The following CHAF1A variants were observed in gnomAD, a reference collection of about 807,000 sequenced individuals.
The protein encoded by CHAF1A is chromatin assembly factor 1 subunit A.
In CHAF1A, 5 loss-of-function variants were observed where a neutral mutation model predicts 93.2. The ratio of observed to expected loss-of-function variants is 0.05; its 90% CI spans 0.03 to 0.11. CHAF1A has a LOEUF of 0.11. Ranked by LOEUF, CHAF1A falls within the 10% of genes least tolerant of loss-of-function variation. The pLI is 1.00. For missense variants in CHAF1A, 1,102 were observed against 1,259.9 expected, an observed-to-expected ratio of 0.87 and a Z score of 1.90; for synonymous variants, 504 against 510.3, an observed-to-expected ratio of 0.99 and a Z score of 0.17.
At chr19:4,447,154 T>C (rs1022432264), downstream of CHAF1A, 12 of 594,596 alleles carry the variant, frequency 2.0e-5, no homozygotes, top group Admixed American at 5.9e-5. Flanking sequence ...GCACGAAGAG[T>C]GAGGCTGAGG....
chr19:4,443,633 A>T (rs1193180215), downstream of CHAF1A, among the ~76,000 whole-genome samples: 1 of 152,146 alleles, frequency 6.6e-6, no homozygotes, highest in Non-Finnish European at 1.5e-5. Flanking sequence ...GGGGGTTAGG[A>T]GAGGGTGTTC....
rs755091463 is a variant in CHAF1A at position 4,409,214 on chromosome 19, G to A, written c.415G>A (p.Glu139Lys). ...SLVDHNKLNS[E>K]ASPSREAING... ...TGTGGACCACAATAAACTAAATTCTGAAGCCTCTCCCTCCAGGGAGGCAAT... is the reference window on the plus strand; with the variant it reads ...TGTGGACCACAATAAACTAAATTCTAAAGCCTCTCCCTCCAGGGAGGCAAT... Residue 139 changes from glutamate (E) to lysine (K), a missense_variant, in exon 3 of 15, where the codon GAA (glutamate) becomes AAA (lysine). Transcript: ENST00000301280. 6.2e-7 allele frequency: 1 copy of A among 1,614,078 alleles called. No homozygotes were observed. The highest frequency in any genetic ancestry group is 1.7e-5 in the Admixed American group (1 of 60,000).
chr19:4,439,457 G>A (rs751127407), intron 13 of CHAF1A, among the ~76,000 whole-genome samples: 6 of 152,146 alleles, frequency 3.9e-5, no homozygotes, highest in Admixed American at 2.6e-4. Flanking sequence ...GCAAGCTGCC[G>A]GCAGCTCAGC....
At chr19:4,445,449 G>A (rs758771869), downstream of CHAF1A, 2 of 1,610,710 alleles carry the variant, frequency 1.2e-6, no homozygotes, top group South Asian at 2.2e-5. Flanking sequence ...AGAGGAACAG[G>A]GAGAGCATGA....
chr19:4,430,527 C>CTTT, intron 10 of CHAF1A, 22 bp from the exon 11 acceptor site: 1 of 1,375,494 alleles, frequency 7.3e-7, no homozygotes, highest in Non-Finnish European at 1.0e-6. Context: ...CTGATGAACT[C>CTTT]TTTTTTTTTT....
downstream of CHAF1A, chr19:4,445,142 C>G: frequency 3.8e-6 from 1 of 262,326 alleles, no homozygotes; most frequent in Non-Finnish European, 7.5e-6. Context: ...CCACTGCCAC[C>G]CACGGCACAC....
At chr19:4,417,927 T>C in intron 3 of CHAF1A, 93 bp from the exon 4 acceptor site, 1 of 827,960 alleles carries the variant, frequency 1.2e-6, no homozygotes, top group Non-Finnish European at 2.0e-6. Flanking sequence ...TTTGGTTCTG[T>C]TGGTGGAAAA....
chr19:4,442,147 A>G (rs1974401978), intron 13 of CHAF1A, 98 bp from the exon 14 acceptor site: 1 of 896,406 alleles, frequency 1.1e-6, no homozygotes, highest in East Asian at 2.5e-5. Context: ...TGGGGGTGGG[A>G]GGAAGGTGTC....
chr19:4,416,026 T>C (rs1164955970), intron 3 of CHAF1A, among the ~76,000 whole-genome samples: 1 of 151,928 alleles, frequency 6.6e-6, no homozygotes, highest in Non-Finnish European at 1.5e-5. Flanking sequence ...ACAAAAAAAT[T>C]ACCCAGGCAT....
At chr19:4,445,782 G>C (rs999297813), downstream of CHAF1A, 3 of 1,246,822 alleles carry the variant, frequency 2.4e-6, no homozygotes, top group Non-Finnish European at 3.3e-6. Flanking sequence ...CTCTCCCTCC[G>C]GGACTCCAGG....
intron 13 of CHAF1A, among the ~76,000 whole-genome samples, chr19:4,440,540 T>C (rs1974367203): frequency 6.6e-6 from 1 of 151,632 alleles, no homozygotes; most frequent in Non-Finnish European, 1.5e-5. Context: ...ACCCAGGAAG[T>C]GGAATTTGCA....
Position 4,426,603 on chromosome 19 carries a change from T to C in CHAF1A, c.1378-2061T>C, listed in dbSNP as rs574417229. 3.9e-5 allele frequency among the ~76,000 whole-genome samples: 6 copies of C among 152,238 alleles called. No individual in the cohort carries two copies. In the East Asian group the frequency reaches 1.2e-3, roughly 29 times the overall value. On this transcript the variant is annotated intron_variant, in intron 7 of 14. Coordinates refer to ENST00000301280, the MANE Select transcript of CHAF1A (RefSeq NM_005483.3). The stretch of plus-strand genomic sequence containing the variant: ...GATTCTCTTGCCTCAGCCTCCCGAG[T>C]AGCTGAGATTACAGGCATGTGCTGC...
At chr19:4,445,459 A>G (rs769074676), downstream of CHAF1A, 7 of 1,612,718 alleles carry the variant, frequency 4.3e-6, no homozygotes, top group Middle Eastern at 1.7e-4. Flanking sequence ...GGAGAGCATG[A>G]GACAGACCCA....
At chr19:4,445,581 G>C (rs781621616), downstream of CHAF1A, 6 of 1,613,626 alleles carry the variant, frequency 3.7e-6, no homozygotes, top group Admixed American at 6.7e-5. Context: ...ATGTCCTCCA[G>C]CACAGCCATG....
At chr19:4,416,333 C>T (rs1290410730) in intron 3 of CHAF1A, among the ~76,000 whole-genome samples, 2 of 152,174 alleles carry the variant, frequency 1.3e-5, no homozygotes, top group Admixed American at 1.3e-4. Flanking sequence ...CTTCCCATTG[C>T]TCTTCACTTC....
chr19:4,429,253 C>T, intron 8 of CHAF1A, 185 bp from the exon 9 acceptor site: 1 of 685,246 alleles, frequency 1.5e-6, no homozygotes, highest in South Asian at 1.9e-5. Context: ...CTGCAGGCTG[C>T]ACCCTCCTCC....
At chr19:4,428,557 C>T in intron 7 of CHAF1A, 107 bp from the exon 8 acceptor site, 2 of 966,724 alleles carry the variant, frequency 2.1e-6, no homozygotes, top group Non-Finnish European at 3.2e-6. Flanking sequence ...GAGTCTGTGC[C>T]TTGGCCTTAG....
At chr19:4,432,446 G>T (rs1373400532) in intron 12 of CHAF1A, among the ~76,000 whole-genome samples, 1 of 152,172 alleles carries the variant, frequency 6.6e-6, no homozygotes, top group Non-Finnish European at 1.5e-5. Flanking sequence ...GAGTGCTGGA[G>T]TGGGGGCTGT....
intron 11 of CHAF1A, among the ~76,000 whole-genome samples, chr19:4,431,587 AGT>A (rs1568179722): frequency 6.6e-6 from 1 of 152,008 alleles, no homozygotes; most frequent in Non-Finnish European, 1.5e-5. Flanking sequence ...TCAGTCAGAG[AGT>A]GGTCTCAGGC....
Sources: allele counts gnomAD v4.1 joint callset (sites outside exome capture counted in the v4.1 genomes callset), GRCh38; gene constraint gnomAD v4.1.1; transcripts MANE v1.5; gene names NCBI Gene and HGNC (gene_info 2026-07-23, HGNC 2026-07-21).